WDR53: variants seen among roughly 807,000 people sequenced by gnomAD.
WDR53 encodes WD repeat-containing protein 53.
Under a neutral mutation model 21.3 loss-of-function variants are expected in WDR53, and 19 were observed. The observed-to-expected ratio is 0.89, with a 90% CI of 0.62 to 1.31. The LOEUF (loss-of-function observed/expected upper bound fraction) is 1.31. WDR53 is among the 50% of genes most tolerant of loss of function. WDR53 has a pLI of 0.00. For missense variants in WDR53, 374 were observed against 423.2 expected, an observed-to-expected ratio of 0.88 and a Z score of 1.02; for synonymous variants, 157 against 163.4, an observed-to-expected ratio of 0.96 and a Z score of 0.30.
At chr3:196,563,381 G>A (rs948522953) in intron 2 of WDR53, among the ~76,000 whole-genome samples, 1 of 152,116 alleles carries the variant, frequency 6.6e-6, no homozygotes, top group Non-Finnish European at 1.5e-5. Context: ...CAAGACAAAA[G>A]GAAGCAAATA....
intron 3 of WDR53, among the ~76,000 whole-genome samples, chr3:196,558,441 A>G (rs1427923439): frequency 6.6e-6 from 1 of 152,188 alleles, no homozygotes; most frequent in Non-Finnish European, 1.5e-5. Flanking sequence ...TCCTGGGCTC[A>G]AGTGATCTGC....
At position 196,561,242 on chromosome 3, in the gene WDR53, C is replaced by T; in HGVS notation, c.234G>A (p.Leu78=). 1 of 1,614,190 alleles carries T rather than the reference C, an allele frequency of 6.2e-7. No homozygotes were observed. The highest frequency in any genetic ancestry group is 1.1e-5 in the South Asian group (1 of 91,086). Residue 78 remains leucine, a synonymous_variant, in exon 3 of 4, where the codon CTG becomes CTA. Coordinates refer to ENST00000332629, the MANE Select transcript of WDR53 (RefSeq NM_182627.3). Reference sequence around the variant, plus strand: ...AGGAATCTTTGAGGGACCTGACATCCAGTACACTAATGGTTTCTCCATGTG... The same window carrying T: ...AGGAATCTTTGAGGGACCTGACATCTAGTACACTAATGGTTTCTCCATGTG... ...YASHGETISV[L]DVRSLKDSLD...
Position 196,554,481 on chromosome 3 carries a change from A to G in WDR53, c.807T>C (p.Asp269=), listed in dbSNP as rs1375106236. The G allele has an allele frequency of 6.2e-7, 1 of 1,614,066 alleles. No homozygotes were observed. The highest frequency in any genetic ancestry group is 1.7e-5 in the Admixed American group (1 of 60,016). ...GGNDGKITLW[D]ANSEVEKKQK... is the part of the protein sequence containing the mutation. ...GTTTTTTCTCAACTTCACTGTTTGC[A>G]TCCCACAACGTGATCTTCCCATCAT... Residue 269 remains aspartate, a synonymous_variant, in exon 4 of 4, where the codon GAT becomes GAC. Coordinates refer to ENST00000332629, the MANE Select transcript of WDR53 (RefSeq NM_182627.3).
chr3:196,555,152 T>G (rs1456676599), intron 3 of WDR53, among the ~76,000 whole-genome samples: 1 of 152,226 alleles, frequency 6.6e-6, no homozygotes, highest in African/African-American at 2.4e-5. Context: ...TTTGCTAGTT[T>G]TAGTCTATGC....
intron 2 of WDR53, among the ~76,000 whole-genome samples, chr3:196,562,088 C>T (rs527521326): frequency 5.3e-5 from 8 of 152,188 alleles, no homozygotes; most frequent in East Asian, 3.9e-4. Context: ...TTTATTAGGC[C>T]GGTGCAAAGC....
rs1735500911 is a variant in WDR53, at chr3:196,567,309, T to C, written c.-447-2A>G. On this transcript the variant is annotated splice_acceptor_variant, in intron 1 of 3. Coordinates refer to ENST00000332629, the MANE Select transcript of WDR53 (RefSeq NM_182627.3). LOFTEE classifies it low-confidence loss of function (5UTR_SPLICE). Reference sequence around the variant, plus strand: ...GATTGAAGGGCTGTGGCGCTGGCACTGGTAAGAATGAAAAGAATTAGGGTT... The same window carrying C: ...GATTGAAGGGCTGTGGCGCTGGCACCGGTAAGAATGAAAAGAATTAGGGTT... The C allele has an allele frequency of 4.5e-6, 2 of 448,952 alleles. No homozygotes were observed. The highest frequency in any genetic ancestry group is 3.1e-5 in the South Asian group (2 of 63,708). 27.8% of individuals were successfully genotyped at this position (448,952 alleles called of 1,614,324 possible). A position where few individuals can be genotyped will look rare whatever the true frequency, so the allele number is the denominator to read the frequency against.
At position 196,566,940 on chromosome 3, in the gene WDR53, A is replaced by C; in HGVS notation, c.-80T>G. The C allele has an allele frequency of 8.5e-6, 2 of 235,214 alleles. No individual in the cohort carries two copies. Among genetic ancestry groups the C allele is most frequent in the South Asian group, 8.9e-5 (2 of 22,430 alleles). The allele number at this position is 235,214 out of a possible 1,614,324, so 14.6% of individuals were successfully genotyped here. A position where few individuals can be genotyped will look rare whatever the true frequency, so the allele number is the denominator to read the frequency against. ...CGTTGAAAGTCACCTCAGCGGCTGG[A>C]CTAGATTAGTAAGAATGACAACATC... On this transcript the variant is annotated 5_prime_UTR_variant, in exon 2 of 4. Transcript: ENST00000332629.
At position 196,561,452 on chromosome 3, in the gene WDR53, C is replaced by T. The variant is rs764564912; in HGVS notation, c.24G>A (p.Gly8=). Residue 8 remains glycine, a synonymous_variant, in exon 3 of 4, where the codon GGG becomes GGA. Transcript: ENST00000332629. MAVKWTG[G]HSSPVLCLNA... ...TCAGGCAGAGGACAGGAGAAGAATG[C>T]CCACCCGTCCACTTGACTGCCATAA... 1 of 1,613,176 alleles carries T rather than the reference C, an allele frequency of 6.2e-7. No homozygotes were observed. Among genetic ancestry groups the T allele is most frequent in the Non-Finnish European group, 8.5e-7 (1 of 1,179,636 alleles).
chr3:196,567,470 G>A (rs1735520552), intron 1 of WDR53, among the ~76,000 whole-genome samples, 163 bp from the exon 2 acceptor site: 1 of 152,190 alleles, frequency 6.6e-6, no homozygotes, highest in Non-Finnish European at 1.5e-5. Context: ...TACATAGCAA[G>A]AAGCTTCAGA....
chr3:196,555,981 T>C (rs1032592157), intron 3 of WDR53, among the ~76,000 whole-genome samples: 2 of 152,096 alleles, frequency 1.3e-5, no homozygotes, highest in Non-Finnish European at 2.9e-5. Context: ...CAAATTGAAA[T>C]AAGCTAAAGT....
At chr3:196,557,643 T>C (rs1734449606) in intron 3 of WDR53, among the ~76,000 whole-genome samples, 1 of 152,194 alleles carries the variant, frequency 6.6e-6, no homozygotes, top group Non-Finnish European at 1.5e-5. Flanking sequence ...ATCATTTGTT[T>C]TCAGATGCAG....
At chr3:196,564,395 CTTTT>C (rs1553872894) in intron 2 of WDR53, among the ~76,000 whole-genome samples, 1 of 135,902 alleles carries the variant, frequency 7.4e-6, no homozygotes. Flanking sequence ...TTTCTTTTTT[CTTTT>C]TTTTTTTTTT....
chr3:196,557,012 C>T (rs571359594), intron 3 of WDR53, among the ~76,000 whole-genome samples: 1 of 152,190 alleles, frequency 6.6e-6, no homozygotes, highest in South Asian at 2.1e-4. Context: ...GTGTTTCACA[C>T]TTAATTTCTC....
chr3:196,563,094 C>G (rs1434041033), intron 2 of WDR53, among the ~76,000 whole-genome samples: 1 of 152,204 alleles, frequency 6.6e-6, no homozygotes, highest in African/African-American at 2.4e-5. Flanking sequence ...TTTCTAACAA[C>G]TCCACCTGAC....
Position 196,567,345 on chromosome 3 carries a change from G to A in WDR53, c.-447-38C>T. The A allele has an allele frequency of 6.8e-5, 28 of 409,056 alleles. 1 individual carries two copies. Among genetic ancestry groups the A allele is most frequent in the South Asian group, 4.9e-4 (28 of 57,162 alleles). 25.3% of individuals were successfully genotyped at this position (409,056 alleles called of 1,614,324 possible). A position where few individuals can be genotyped will look rare whatever the true frequency, so the allele number is the denominator to read the frequency against. On this transcript the variant is annotated intron_variant, in intron 1 of 3. Coordinates refer to ENST00000332629, the MANE Select transcript of WDR53 (RefSeq NM_182627.3). ...AAAAGAATTAGGGTTACTGGACTTG[G>A]TGAAAAAGACATGAGGAGAAGGGAC...
At chr3:196,559,824 G>T (rs956124406) in intron 3 of WDR53, among the ~76,000 whole-genome samples, 1 of 152,042 alleles carries the variant, frequency 6.6e-6, no homozygotes, top group African/African-American at 2.4e-5. Context: ...AGAGATTGAG[G>T]TTTGAATCTC....
In WDR53 at chr3:196,554,194, A is replaced by C; in HGVS notation, c.*17T>G. On this transcript the variant is annotated 3_prime_UTR_variant, in exon 4 of 4. Coordinates refer to ENST00000332629, the MANE Select transcript of WDR53 (RefSeq NM_182627.3). ...AAAAACAGTTTTGCCACAATTCTTC[A>C]AATGTTTTTATTGGATTTAAAATTC... The C allele has an allele frequency of 2.0e-6, 3 of 1,519,512 alleles. No individual in the cohort carries two copies. Among genetic ancestry groups the C allele is most frequent in the Non-Finnish European group, 2.7e-6 (3 of 1,124,334 alleles). 94.1% of individuals were successfully genotyped at this position (1,519,512 alleles called of 1,614,324 possible). A position where few individuals can be genotyped will look rare whatever the true frequency, so the allele number is the denominator to read the frequency against.
intron 2 of WDR53, among the ~76,000 whole-genome samples, chr3:196,564,319 A>G (rs1735162718): frequency 6.6e-6 from 1 of 152,046 alleles, no homozygotes; most frequent in African/African-American, 2.4e-5. Flanking sequence ...TATCCTACAA[A>G]TTTGAATTGA....
intron 1 of WDR53, 138 bp from the exon 2 acceptor site, chr3:196,567,445 C>A (rs1350493943): frequency 1.2e-4 from 43 of 346,460 alleles, no homozygotes; most frequent in Non-Finnish European, 1.6e-4. Context: ...TTACTAGAGA[C>A]TAAGAAATGG....
Sources: gnomAD v4.1 joint callset for allele counts (sites outside exome capture counted in the v4.1 genomes callset) on GRCh38, gnomAD v4.1.1 for gene constraint, MANE v1.5 for transcripts, NCBI Gene and HGNC (gene_info 2026-07-23, HGNC 2026-07-21) for gene names.